ADH6: variants seen among roughly 807,000 people sequenced by gnomAD.
ADH6 encodes alcohol dehydrogenase 6 (class V), also known as alcohol dehydrogenase 6.
A neutral mutation model predicts 36.5 loss-of-function variants in ADH6; 34 were observed. That is an observed-to-expected ratio of 0.93 (90% CI 0.71 to 1.24). The LOEUF is 1.24. Ranked by LOEUF, ADH6 falls within the 50% of genes most tolerant of loss-of-function variation. The pLI is 0.00. For missense variants in ADH6, 440 were observed against 447.0 expected, an observed-to-expected ratio of 0.98 and a Z score of 0.14; for synonymous variants, 161 against 155.5, an observed-to-expected ratio of 1.04 and a Z score of -0.26.
At chr4:99,217,250 A>G (rs1192269846) in intron 1 of ADH6, among the ~76,000 whole-genome samples, 1 of 152,046 alleles carries the variant, frequency 6.6e-6, no homozygotes, top group East Asian at 2.0e-4. Flanking sequence ...GTTAGCCAGG[A>G]TGTTCTTGAT....
chr4:99,209,813 T>TAATGTAAATCTAATTA (rs1228626505), intron 5 of ADH6, among the ~76,000 whole-genome samples: 3 of 152,130 alleles, frequency 2.0e-5, no homozygotes, highest in African/African-American at 7.2e-5. Context: ...ATGTTGTAAC[T>TAATGTAAATCTAATTA]ATGTTAGATT....
chr4:99,204,714 C>T, intron 8 of ADH6: 1 of 1,255,048 alleles, frequency 8.0e-7, no homozygotes, highest in East Asian at 3.2e-5. Context: ...GGTAGGTGAA[C>T]ACTTAAATAC....
intron 7 of ADH6, among the ~76,000 whole-genome samples, chr4:99,206,958 T>G (rs905573548): frequency 5.9e-5 from 9 of 152,166 alleles, no homozygotes; most frequent in African/African-American, 1.9e-4. Flanking sequence ...AAAATAATTC[T>G]TATTTTTTTT....
chr4:99,216,345 C>G, intron 1 of ADH6, 83 bp from the exon 2 acceptor site: 1 of 752,590 alleles, frequency 1.3e-6, no homozygotes, highest in Non-Finnish European at 2.0e-6. Flanking sequence ...ATTATAGAAT[C>G]ATTAAATTGG....
intron 1 of ADH6, among the ~76,000 whole-genome samples, chr4:99,217,749 G>A (rs1196854944): frequency 6.6e-6 from 1 of 152,136 alleles, no homozygotes; most frequent in Admixed American, 6.5e-5. Flanking sequence ...GATTGCAGGT[G>A]TCATACTTTT....
At chr4:99,215,917 C>A in intron 2 of ADH6, 1 of 259,374 alleles carries the variant, frequency 3.9e-6, no homozygotes, top group Non-Finnish European at 7.2e-6. Flanking sequence ...ATAATTAGTA[C>A]AATAGCTGTA....
chr4:99,204,687 C>T, intron 8 of ADH6: 7 of 1,233,918 alleles, frequency 5.7e-6, no homozygotes, highest in Non-Finnish European at 5.1e-6. Context: ...AAATACAATG[C>T]TAATGGCAAA....
chr4:99,208,940 C>A lies in ADH6; in HGVS notation c.568-12G>T. 3 of 1,602,232 alleles carry A rather than the reference C, an allele frequency of 1.9e-6. No individual in the cohort carries two copies. The highest frequency in any genetic ancestry group is 2.6e-6 in the Non-Finnish European group (3 of 1,174,788). On this transcript the variant is annotated splice_polypyrimidine_tract_variant and intron_variant, in intron 5 of 8. Coordinates refer to ENST00000394899, the MANE Select transcript of ADH6 (RefSeq NM_001102470.2). ...GAACCTGGAGTCACCTAAACACATA[C>A]AGGCAGAAAACTCAGAAAACAAAAA...
intron 3 of ADH6, 99 bp from the exon 4 acceptor site, chr4:99,210,601 G>T: frequency 2.3e-6 from 2 of 864,348 alleles, no homozygotes; most frequent in East Asian, 5.2e-5. Flanking sequence ...AAGAAGAAAT[G>T]ACAGCTGAAA....
chr4:99,218,784 T>C (rs902979073), intron 1 of ADH6, among the ~76,000 whole-genome samples: 1 of 152,220 alleles, frequency 6.6e-6, no homozygotes, highest in African/African-American at 2.4e-5. Context: ...GGTTATGAGC[T>C]TTTCCTTGAG....
chr4:99,209,031 A>G (rs1207214211), intron 5 of ADH6, 103 bp from the exon 6 acceptor site: 11 of 1,241,566 alleles, frequency 8.9e-6, no homozygotes, highest in Non-Finnish European at 1.2e-5. Flanking sequence ...TTTTTTAACG[A>G]GTCATAAGCA....
chr4:99,204,963 T>G lies in ADH6; in HGVS notation c.1065A>C (p.Lys355Asn), dbSNP rs1730969312. ...PLITHTLNLD[K>N]INEAVELMKT... is the part of the protein sequence containing the mutation. ...TCATTAATTCAACTGCTTCATTGAT[T>G]TTATCAAGATTCAGAGTATGAGTAA... Residue 355 changes from lysine to asparagine, a missense_variant, in exon 8 of 9, where the codon AAA (lysine) becomes AAC (asparagine). Lys to Asn is a moderately conservative substitution (Grantham distance 94). Transcript: ENST00000394899. 9 of 1,608,502 alleles carry G rather than the reference T, an allele frequency of 5.6e-6. No individual in the cohort carries two copies. Among genetic ancestry groups the G allele is most frequent in the Non-Finnish European group, 7.6e-6 (9 of 1,178,012 alleles).
chr4:99,204,297 T>C, intron 8 of ADH6, 54 bp from the exon 9 acceptor site: 1 of 1,585,334 alleles, frequency 6.3e-7, no homozygotes, highest in Non-Finnish European at 8.5e-7. Flanking sequence ...GCAACATTTG[T>C]GTTTTGGATT....
intron 3 of ADH6, among the ~76,000 whole-genome samples, chr4:99,212,952 T>C (rs1286039533): frequency 6.6e-6 from 1 of 151,612 alleles, no homozygotes; most frequent in Non-Finnish European, 1.5e-5. Context: ...ATCTGCTGGG[T>C]ATTTTTTTGT....
At chr4:99,211,952 G>C (rs1266520824) in intron 3 of ADH6, among the ~76,000 whole-genome samples, 1 of 152,144 alleles carries the variant, frequency 6.6e-6, no homozygotes, top group Non-Finnish European at 1.5e-5. Context: ...AGAGGCTCCA[G>C]ATAAGGACCC....
intron 5 of ADH6, among the ~76,000 whole-genome samples, chr4:99,209,373 T>A (rs1731146047): frequency 6.6e-6 from 1 of 152,180 alleles, no homozygotes; most frequent in African/African-American, 2.4e-5. Context: ...AAAGGCTTTT[T>A]TTTTATTGAG....
rs1399277632 is a variant in ADH6 at position 99,219,244 on chromosome 4, G to A, written c.-92C>T. 8.3e-7 allele frequency: 1 copy of A among 1,198,798 alleles called. No homozygotes were observed. The allele number at this position is 1,198,798 out of a possible 1,614,324, so 74.3% of individuals were successfully genotyped here. A position where few individuals can be genotyped will look rare whatever the true frequency, so the allele number is the denominator to read the frequency against. ...AAAGTACAAAGGTACACAGGCGACTGGTAGATCAGAAGGCTGGGTCCTGAG... is the reference window on the plus strand; with the variant it reads ...AAAGTACAAAGGTACACAGGCGACTAGTAGATCAGAAGGCTGGGTCCTGAG... On this transcript the variant is annotated 5_prime_UTR_variant, in exon 1 of 9. Coordinates refer to ENST00000394899, the MANE Select transcript of ADH6 (RefSeq NM_001102470.2).
chr4:99,211,305 A>C (rs894859123), intron 3 of ADH6, among the ~76,000 whole-genome samples: 2 of 152,118 alleles, frequency 1.3e-5, no homozygotes, highest in Non-Finnish European at 2.9e-5. Context: ...CCCCTTTAAA[A>C]ATGCAAAGGT....
At position 99,208,820 on chromosome 4, in the gene ADH6, T is replaced by G. The variant is rs1731126564; in HGVS notation, c.676A>C (p.Asn226His). ...TGTGCCTTCTTAAATTTCTCCTTGTTGACATCCACTCCAATGATCCTGGCT... is the reference window on the plus strand; with the variant it reads ...TGTGCCTTCTTAAATTTCTCCTTGTGGACATCCACTCCAATGATCCTGGCT... ...GAARIIGVDV[N>H]KEKFKKAQEL... Residue 226 changes from asparagine to histidine, a missense_variant, in exon 6 of 9, where the codon AAC (asparagine) becomes CAC (histidine). Transcript: ENST00000394899. 1 of 1,613,728 alleles carries G rather than the reference T, an allele frequency of 6.2e-7. No homozygotes were observed. Among genetic ancestry groups the G allele is most frequent in the Non-Finnish European group, 8.5e-7 (1 of 1,179,828 alleles).
Sources: gnomAD v4.1 joint callset for allele counts (sites outside exome capture counted in the v4.1 genomes callset) on GRCh38, gnomAD v4.1.1 for gene constraint, MANE v1.5 for transcripts, NCBI Gene and HGNC (gene_info 2026-07-23, HGNC 2026-07-21) for gene names.